The following OXR1 variants were observed in gnomAD, a reference collection of about 807,000 sequenced individuals.
OXR1 encodes oxidation resistance 1.
OXR1 carries 41 observed loss-of-function variants against 104.6 expected under a neutral mutation model. The observed-to-expected ratio is 0.39, with a 90% CI of 0.31 to 0.51. The LOEUF is 0.51. Ranked by LOEUF, OXR1 falls within the 20% of genes least tolerant of loss-of-function variation. The pLI, the probability that OXR1 is intolerant of heterozygous loss-of-function variation, is 0.77. For missense variants in OXR1, 955 were observed against 1,031.9 expected, an observed-to-expected ratio of 0.93 and a Z score of 1.02; for synonymous variants, 348 against 348.4, an observed-to-expected ratio of 1.00 and a Z score of 0.01.
intron 3 of OXR1, among the ~76,000 whole-genome samples, chr8:106,559,836 C>A (rs1484704350): frequency 6.6e-6 from 1 of 152,142 alleles, no homozygotes; most frequent in African/African-American, 2.4e-5. Context: ...CACCAACACA[C>A]TGCAGATTCG....
rs372441619 is a variant in OXR1, at chr8:106,706,421, A to G, written c.900A>G (p.Ser300=). The G allele has an allele frequency of 1.5e-5, 24 of 1,587,588 alleles. No individual in the cohort carries two copies. The highest frequency in any genetic ancestry group is 1.9e-5 in the Admixed American group (1 of 51,770). The change falls in exon 9 of 17, where the codon TCA becomes TCG. Residue 300 remains serine, a synonymous_variant. Coordinates refer to ENST00000517566, the MANE Select transcript of OXR1 (RefSeq NM_001198533.2). ...DQLSGRDFCH[S]KKMTGSNTEE... ...TATCAGGAAGGGACTTCTGCCATTC[A>G]AAGAAAATGACAGGAAGTAACACTG...
At chr8:106,576,225 T>C (rs962027506) in intron 3 of OXR1, among the ~76,000 whole-genome samples, 2 of 151,948 alleles carry the variant, frequency 1.3e-5, no homozygotes, top group African/African-American at 4.8e-5. Context: ...ATTACAAATA[T>C]GGTTTTAAAT....
At chr8:106,683,611 C>T (rs1828399678) in intron 5 of OXR1, among the ~76,000 whole-genome samples, 1 of 152,236 alleles carries the variant, frequency 6.6e-6, no homozygotes, top group Admixed American at 6.5e-5. Flanking sequence ...AGGCATCCCT[C>T]CATCTCAAAC....
At chr8:106,651,952 T>C (rs963694720) in intron 3 of OXR1, among the ~76,000 whole-genome samples, 2 of 152,186 alleles carry the variant, frequency 1.3e-5, no homozygotes, top group Non-Finnish European at 2.9e-5. Flanking sequence ...TTTTGTATTT[T>C]TCAGTAAATG....
intron 2 of OXR1, among the ~76,000 whole-genome samples, chr8:106,456,318 T>G (rs572897204): frequency 6.6e-5 from 10 of 152,258 alleles, no homozygotes; most frequent in Admixed American, 2.6e-4. Flanking sequence ...GACCGTCTCA[T>G]AGTGTTGTTG....
chr8:106,740,163 A>C (rs1409506819), intron 13 of OXR1, 180 bp from the exon 14 acceptor site: 4 of 498,114 alleles, frequency 8.0e-6, no homozygotes, highest in African/African-American at 2.0e-5. Context: ...TTAATATTTT[A>C]TTCTGAGAAA....
chr8:106,347,008 A>C (rs947171101), intron 1 of OXR1, among the ~76,000 whole-genome samples: 4 of 152,206 alleles, frequency 2.6e-5, no homozygotes, highest in Non-Finnish European at 4.4e-5. Context: ...GCGCCATTGC[A>C]CTCCAGCTTA....
At chr8:106,434,789 T>G (rs1819504961) in intron 2 of OXR1, among the ~76,000 whole-genome samples, 1 of 152,208 alleles carries the variant, frequency 6.6e-6, no homozygotes, top group African/African-American at 2.4e-5. Flanking sequence ...AATTCAGCAA[T>G]TCTGTAATTA....
At chr8:106,613,903 C>T (rs949847759) in intron 3 of OXR1, among the ~76,000 whole-genome samples, 2 of 152,150 alleles carry the variant, frequency 1.3e-5, no homozygotes, top group Non-Finnish European at 2.9e-5. Context: ...TGTTTTAGAA[C>T]TGACACCATT....
chr8:106,748,554 CTTTTTTTTTTTTTTTTTT>C (rs71307088), intron 16 of OXR1, among the ~76,000 whole-genome samples: 1 of 48,874 alleles, frequency 2.0e-5, no homozygotes, highest in Non-Finnish European at 3.4e-5. Context: ...AGTACCAACT[CTTTTTTTTTTTTTTTTTT>C]TTTTTTTTTT....
In OXR1 at chr8:106,322,032, A is replaced by G. The variant is rs560220008; in HGVS notation, c.-138-37444A>G. 2.6e-5 allele frequency among the ~76,000 whole-genome samples: 4 copies of G among 152,360 alleles called. No homozygotes were observed. In the South Asian group the frequency reaches 8.3e-4, roughly 32 times the overall value. ...ATGCAGAGGAAAAAACTAAAGGCTG[A>G]TAACCAATATGCCTGAATTTTAGCT... On this transcript the variant is annotated intron_variant, in intron 1 of 16. Coordinates refer to ENST00000517566, the MANE Select transcript of OXR1 (RefSeq NM_001198533.2).
At chr8:106,537,123 G>A (rs1814596901) in intron 3 of OXR1, among the ~76,000 whole-genome samples, 2 of 151,716 alleles carry the variant, frequency 1.3e-5, no homozygotes, top group Non-Finnish European at 2.9e-5. Flanking sequence ...GTCTTTATAG[G>A]GCATTAATTC....
intron 11 of OXR1, among the ~76,000 whole-genome samples, chr8:106,730,131 A>G (rs2131515181): frequency 6.6e-6 from 1 of 152,258 alleles, no homozygotes; most frequent in East Asian, 1.9e-4. Flanking sequence ...AATGGAAGGC[A>G]TAGAGAGTTT....
At chr8:106,703,387 T>A (rs1481841903) in intron 8 of OXR1, among the ~76,000 whole-genome samples, 1 of 152,202 alleles carries the variant, frequency 6.6e-6, no homozygotes, top group Non-Finnish European at 1.5e-5. Context: ...CAGCTTCCAG[T>A]CTTCTAAATT....
intron 11 of OXR1, among the ~76,000 whole-genome samples, chr8:106,724,580 T>G (rs919856027): frequency 6.6e-5 from 10 of 152,224 alleles, no homozygotes; most frequent in South Asian, 4.1e-4. Context: ...ATGCAAATTC[T>G]CAGACCCCAT....
intron 3 of OXR1, among the ~76,000 whole-genome samples, chr8:106,662,374 C>A (rs1825850425): frequency 6.6e-6 from 1 of 152,086 alleles, no homozygotes; most frequent in East Asian, 1.9e-4. Context: ...AAATGATTAT[C>A]CCTGTTGCTG....
intron 2 of OXR1, among the ~76,000 whole-genome samples, chr8:106,452,531 A>T (rs1172475142): frequency 6.6e-6 from 1 of 152,186 alleles, no homozygotes; most frequent in Non-Finnish European, 1.5e-5. Flanking sequence ...GTATCTATGG[A>T]TACCTTTTCT....
At chr8:106,456,216 A>G (rs1820587595) in intron 2 of OXR1, among the ~76,000 whole-genome samples, 1 of 152,218 alleles carries the variant, frequency 6.6e-6, no homozygotes, top group African/African-American at 2.4e-5. Context: ...GGATGAAGAT[A>G]TAGCTGGGAA....
rs79223186 is a variant in OXR1, at chr8:106,474,547, A to G, written c.24-44396A>G. On this transcript the variant is annotated intron_variant, in intron 2 of 16. Coordinates refer to ENST00000517566, the MANE Select transcript of OXR1 (RefSeq NM_001198533.2). ...CTTTGTAAAAAGTTGAAAAAAAAAC[A>G]AAAGAATATTTTGTGACACATGAAA... Among the ~76,000 whole-genome samples the G allele has an allele frequency of 1.7e-3, 261 of 152,030 alleles. 1 individual carries two copies. The highest frequency in any genetic ancestry group is 3.6e-3 in the Admixed American group (55 of 15,232).
Sources: gnomAD v4.1 joint callset for allele counts (sites outside exome capture counted in the v4.1 genomes callset) on GRCh38, gnomAD v4.1.1 for gene constraint, MANE v1.5 for transcripts, NCBI Gene and HGNC (gene_info 2026-07-23, HGNC 2026-07-21) for gene names.